TRAPPC9: variants seen among roughly 807,000 people sequenced by gnomAD.
The protein encoded by TRAPPC9 is IKK2 binding protein.
TRAPPC9 carries 83 observed loss-of-function variants against 124.0 expected under a neutral mutation model. The ratio of observed to expected loss-of-function variants is 0.67; its 90% CI spans 0.56 to 0.80. TRAPPC9 has a LOEUF of 0.80. Among genes scored for constraint, TRAPPC9 ranks in the 30% least tolerant of loss-of-function variants. The pLI, the probability that TRAPPC9 is intolerant of heterozygous loss-of-function variation, is 0.00. For missense variants in TRAPPC9, 1,302 were observed against 1,508.3 expected, an observed-to-expected ratio of 0.86 and a Z score of 2.27; for synonymous variants, 638 against 617.5, an observed-to-expected ratio of 1.03 and a Z score of -0.49.
intron 10 of TRAPPC9, among the ~76,000 whole-genome samples, chr8:140,301,066 C>T (rs1175808849): frequency 1.8e-4 from 27 of 152,212 alleles, no homozygotes; most frequent in Admixed American, 1.8e-3. Flanking sequence ...GGGCCCACTG[C>T]CTGGCCCAGG....
chr8:139,949,481 G>C (rs1455658303), intron 19 of TRAPPC9, among the ~76,000 whole-genome samples: 2 of 152,270 alleles, frequency 1.3e-5, no homozygotes, highest in Non-Finnish European at 1.5e-5. Flanking sequence ...CAGACAAAAG[G>C]GGCAGCAACG....
intron 17 of TRAPPC9, chr8:140,040,779 G>A (rs1841223537): frequency 6.6e-6 from 1 of 152,218 alleles, no homozygotes; most frequent in Non-Finnish European, 1.5e-5. Flanking sequence ...CCTCAAGAAG[G>A]TGGTGATGCA....
chr8:139,953,833 AATG>A (rs1834814933), intron 19 of TRAPPC9, among the ~76,000 whole-genome samples: 1 of 152,252 alleles, frequency 6.6e-6, no homozygotes, highest in Non-Finnish European at 1.5e-5. Context: ...CACTATATAC[AATG>A]ATATCTACTC....
chr8:140,457,068 C>G (rs941332261), intron 1 of TRAPPC9, among the ~76,000 whole-genome samples: 1 of 152,218 alleles, frequency 6.6e-6, no homozygotes, highest in Non-Finnish European at 1.5e-5. Flanking sequence ...CCAGCTAGAT[C>G]GCAGGCACTT....
chr8:139,981,439 A>C (rs1469877118), intron 19 of TRAPPC9, among the ~76,000 whole-genome samples: 1 of 152,076 alleles, frequency 6.6e-6, no homozygotes, highest in Non-Finnish European at 1.5e-5. Flanking sequence ...CCACGCAAAA[A>C]CTCATCTGTA....
intron 16 of TRAPPC9, among the ~76,000 whole-genome samples, chr8:140,246,529 C>T (rs2063991172): frequency 6.6e-6 from 1 of 152,140 alleles, no homozygotes; most frequent in South Asian, 2.1e-4. Context: ...TCAGTTACTT[C>T]CTGTCTTCCA....
intron 18 of TRAPPC9, among the ~76,000 whole-genome samples, chr8:140,002,470 AT>A (rs998237165): frequency 3.3e-5 from 5 of 152,144 alleles, no homozygotes; most frequent in African/African-American, 1.2e-4. Context: ...TTATCTGAAG[AT>A]TTATATGGAA....
At chr8:140,336,465 G>A (rs1178060950) in intron 9 of TRAPPC9, among the ~76,000 whole-genome samples, 1 of 152,140 alleles carries the variant, frequency 6.6e-6, no homozygotes, top group Non-Finnish European at 1.5e-5. Flanking sequence ...TGTAGAAAAT[G>A]CACCACTTCT....
At chr8:140,144,227 T>G (rs1214112308) in intron 17 of TRAPPC9, among the ~76,000 whole-genome samples, 1 of 152,236 alleles carries the variant, frequency 6.6e-6, no homozygotes, top group Non-Finnish European at 1.5e-5. Context: ...TTTAAATTCC[T>G]GTTGGAATTT....
intron 21 of TRAPPC9, among the ~76,000 whole-genome samples, chr8:139,802,819 T>A (rs1823633201): frequency 6.6e-6 from 1 of 152,146 alleles, no homozygotes; most frequent in Non-Finnish European, 1.5e-5. Context: ...GGGTGTGGAA[T>A]GTGAAGTGTA....
At chr8:140,388,354 G>A (rs2068818217) in intron 7 of TRAPPC9, among the ~76,000 whole-genome samples, 1 of 149,446 alleles carries the variant, frequency 6.7e-6, no homozygotes, top group East Asian at 1.9e-4. Flanking sequence ...TTGTGCACAT[G>A]TACCCTAGAA....
intron 5 of TRAPPC9, among the ~76,000 whole-genome samples, chr8:140,418,723 A>AAGATAGATAGATAGAT (rs530951569): frequency 2.1e-4 from 30 of 141,336 alleles, no homozygotes; most frequent in African/African-American, 3.7e-4. Context: ...CCATCTCAAA[A>AAGATAGATAGATAGAT]AGATAGATAG....
chr8:139,827,566 T>C lies in TRAPPC9; in HGVS notation c.3055+58313A>G, dbSNP rs1380129359. Among the ~76,000 whole-genome samples, 8 of 152,170 alleles carry C rather than the reference T, an allele frequency of 5.3e-5. No individual in the cohort carries two copies. The East Asian group carries it at 1.5e-3, about 29-fold the overall frequency. ...CAAGCACAAAGAGGAGGTCAGGCAGTCTCACCTTTCAACCCAGGCCTGCCA... is the reference window on the plus strand; with the variant it reads ...CAAGCACAAAGAGGAGGTCAGGCAGCCTCACCTTTCAACCCAGGCCTGCCA... On this transcript the variant is annotated intron_variant, in intron 21 of 22. Transcript: ENST00000438773.
intron 16 of TRAPPC9, among the ~76,000 whole-genome samples, chr8:140,245,614 A>G (rs1468173632): frequency 6.6e-6 from 1 of 152,162 alleles, no homozygotes; most frequent in African/African-American, 2.4e-5. Context: ...CCAGAACTTC[A>G]TGCCTTTTTC....
intron 20 of TRAPPC9, among the ~76,000 whole-genome samples, chr8:139,909,642 A>G (rs926266185): frequency 1.3e-5 from 2 of 152,254 alleles, no homozygotes; most frequent in African/African-American, 4.8e-5. Context: ...TCAGCCATTG[A>G]TCCAAAGTTC....
rs111465816 is a variant in TRAPPC9 at position 140,287,826 on chromosome 8, T to TC, written c.1855-93dup. ...GCCTTAAGACATTGGCTATGGCACA[T>TC]CGGAACTGCTGGAATAAAATCACCA... On this transcript the variant is annotated intron_variant, in intron 12 of 22. Transcript: ENST00000438773. 5.5e-3 allele frequency: 8,520 copies of TC among 1,555,584 alleles called. 378 individuals are homozygous for TC. In the African/African-American group the frequency reaches 0.097, roughly 18 times the overall value.
chr8:140,351,967 T>G (rs1032731708), intron 9 of TRAPPC9, among the ~76,000 whole-genome samples: 1 of 152,180 alleles, frequency 6.6e-6, no homozygotes, highest in Admixed American at 6.5e-5. Flanking sequence ...ACCACCACAA[T>G]GTACTATTGG....
At chr8:139,937,271 G>T (rs964457942) in intron 19 of TRAPPC9, among the ~76,000 whole-genome samples, 17 of 152,262 alleles carry the variant, frequency 1.1e-4, no homozygotes, top group African/African-American at 4.1e-4. Context: ...ATCCCAATTT[G>T]GTGTGAATGA....
chr8:140,445,355 G>C (rs1044471943), intron 2 of TRAPPC9, among the ~76,000 whole-genome samples: 3 of 152,208 alleles, frequency 2.0e-5, no homozygotes, highest in African/African-American at 7.2e-5. Context: ...GCTAATGAGG[G>C]AGGTCTCTCC....
Sources: gnomAD v4.1 joint callset for allele counts (sites outside exome capture counted in the v4.1 genomes callset) on GRCh38, gnomAD v4.1.1 for gene constraint, MANE v1.5 for transcripts, NCBI Gene and HGNC (gene_info 2026-07-23, HGNC 2026-07-21) for gene names.